Variants in C1QTNF3 observed in about 807,000 individuals in gnomAD.
The protein encoded by C1QTNF3 is complement C1q tumor necrosis factor-related protein 3.
A neutral mutation model predicts 32.6 loss-of-function variants in C1QTNF3; 26 were observed. The ratio of observed to expected loss-of-function variants is 0.80; its 90% CI spans 0.58 to 1.11. C1QTNF3 has a LOEUF of 1.11. Ranked by LOEUF, C1QTNF3 falls within the 50% of genes least tolerant of loss-of-function variation. C1QTNF3 has a pLI of 0.00. For synonymous variants in C1QTNF3, 155 were observed against 146.0 expected (o/e 1.06, Z -0.44); for missense variants, 362 against 398.2 (o/e 0.91, Z 0.77).
At chr5:34,243,056 G>A in the C1QTNF3 span, among the ~76,000 whole-genome samples, 758 of 151,270 alleles carry the variant, frequency 5.0e-3, 12 homozygotes, top group African/African-American at 0.018. Flanking sequence ...TGGGTTGACA[G>A]GTGCAGCAAA....
chr5:34,200,928 C>A, the C1QTNF3 span: 4 of 151,824 alleles, frequency 2.6e-5, no homozygotes, highest in African/African-American at 9.7e-5. Context: ...CATCCTACAG[C>A]CAAATCAGAA....
At chr5:34,025,940 T>C (rs1180363661) in intron 4 of C1QTNF3, among the ~76,000 whole-genome samples, 1 of 152,244 alleles carries the variant, frequency 6.6e-6, no homozygotes, top group African/African-American at 2.4e-5. Flanking sequence ...AGATTGCTTC[T>C]ATCATTTCAT....
chr5:34,045,727 A>T (rs557394873), upstream of C1QTNF3, among the ~76,000 whole-genome samples: 2 of 151,800 alleles, frequency 1.3e-5, no homozygotes, highest in African/African-American at 4.8e-5. Context: ...GCAAAGAAGG[A>T]TCTCTCCTTC....
chr5:34,196,707 T>C, the C1QTNF3 span, among the ~76,000 whole-genome samples: 17 of 141,178 alleles, frequency 1.2e-4, no homozygotes, highest in African/African-American at 4.1e-4. Flanking sequence ...TCCCCCAGGC[T>C]GGAGTGCAGT....
the C1QTNF3 span, among the ~76,000 whole-genome samples, chr5:34,121,202 A>G: frequency 1.3e-5 from 2 of 152,202 alleles, no homozygotes; most frequent in South Asian, 2.1e-4. Context: ...TTCATTTTAT[A>G]TTTCATTATT....
chr5:34,087,710 G>A, the C1QTNF3 span, among the ~76,000 whole-genome samples: 2 of 150,788 alleles, frequency 1.3e-5, no homozygotes, highest in Non-Finnish European at 2.9e-5. Flanking sequence ...AGGTAGCTGG[G>A]AATACAAGTA....
the C1QTNF3 span, among the ~76,000 whole-genome samples, chr5:34,156,621 T>A: frequency 0.012 from 1,864 of 152,280 alleles, 43 homozygotes; most frequent in African/African-American, 0.043. Flanking sequence ...TTTGCACAGT[T>A]AGAATTTGTG....
At chr5:34,091,280 C>T in the C1QTNF3 span, among the ~76,000 whole-genome samples, 3 of 152,404 alleles carry the variant, frequency 2.0e-5, no homozygotes, top group Admixed American at 6.5e-5. Context: ...CTTTGTATAA[C>T]CTTTGTCATC....
chr5:34,140,739 T>C, the C1QTNF3 span, among the ~76,000 whole-genome samples: 1 of 152,254 alleles, frequency 6.6e-6, no homozygotes. Context: ...GAATGTGCTT[T>C]AGATTGGAAA....
At chr5:34,139,893 A>T in the C1QTNF3 span, among the ~76,000 whole-genome samples, 2 of 152,242 alleles carry the variant, frequency 1.3e-5, no homozygotes, top group Non-Finnish European at 2.9e-5. Flanking sequence ...TGAGCAAATC[A>T]CGTAGGTGCT....
intron 3 of C1QTNF3, among the ~76,000 whole-genome samples, chr5:34,030,404 A>G (rs1452671316): frequency 6.6e-6 from 1 of 152,226 alleles, no homozygotes; most frequent in African/African-American, 2.4e-5. Context: ...AAGATATGAG[A>G]TTAAGGTCCA....
At chr5:34,056,926 T>C in the C1QTNF3 span, among the ~76,000 whole-genome samples, 20 of 152,174 alleles carry the variant, frequency 1.3e-4, no homozygotes, top group Non-Finnish European at 2.4e-4. Flanking sequence ...CAAGCACAAA[T>C]AGTAACCTAC....
chr5:34,209,603 T>C, the C1QTNF3 span, among the ~76,000 whole-genome samples: 31 of 152,232 alleles, frequency 2.0e-4, no homozygotes, highest in East Asian at 6.0e-3. Flanking sequence ...CTTTAGACTA[T>C]CTCTAGCAAT....
intron 3 of C1QTNF3, among the ~76,000 whole-genome samples, chr5:34,030,611 G>T (rs1754588624): frequency 6.6e-6 from 1 of 152,110 alleles, no homozygotes; most frequent in African/African-American, 2.4e-5. Context: ...AATTTTAAAA[G>T]CCTTGAGACA....
At chr5:34,070,852 T>C in the C1QTNF3 span, among the ~76,000 whole-genome samples, 2 of 152,122 alleles carry the variant, frequency 1.3e-5, no homozygotes, top group Admixed American at 1.3e-4. Flanking sequence ...TAGGCTAAAA[T>C]GCGGTATTCA....
chr5:34,148,052 A>T, the C1QTNF3 span, among the ~76,000 whole-genome samples: 1 of 151,920 alleles, frequency 6.6e-6, no homozygotes, highest in Non-Finnish European at 1.5e-5. Context: ...GGGAAGCGCA[A>T]GGGGTCAGGG....
chr5:34,177,295 C>T, the C1QTNF3 span, among the ~76,000 whole-genome samples: 1 of 152,112 alleles, frequency 6.6e-6, no homozygotes, highest in Non-Finnish European at 1.5e-5. Flanking sequence ...ACAGTGCAGA[C>T]ATGGGGCATT....
At chr5:34,085,116 G>A in the C1QTNF3 span, among the ~76,000 whole-genome samples, 2 of 147,118 alleles carry the variant, frequency 1.4e-5, no homozygotes, top group Non-Finnish European at 1.5e-5. Context: ...TCAGCCTCCT[G>A]AGTAGCTGGG....
chr5:34,182,518 T>TAAA, the C1QTNF3 span, among the ~76,000 whole-genome samples: 1 of 130,222 alleles, frequency 7.7e-6, no homozygotes, highest in Admixed American at 7.1e-5. Context: ...AATAAATAAA[T>TAAA]AAAAAATCTG....
Sources: allele counts gnomAD v4.1 joint callset (sites outside exome capture counted in the v4.1 genomes callset), GRCh38; gene constraint gnomAD v4.1.1; transcripts MANE v1.5; gene names NCBI Gene and HGNC (gene_info 2026-07-23, HGNC 2026-07-21).